DNAH5: variants seen among roughly 807,000 people sequenced by gnomAD.
DNAH5 encodes the protein axonemal beta dynein heavy chain 5.
A neutral mutation model predicts 518.2 loss-of-function variants in DNAH5; 372 were observed. The observed-to-expected ratio is 0.72, with a 90% confidence interval of 0.66 to 0.78. The LOEUF is 0.78. DNAH5 is among the 30% of genes least tolerant of loss of function. The pLI is 0.00. For missense variants in DNAH5, 5,523 were observed against 5,687.0 expected (o/e 0.97, Z 0.93); for synonymous variants, 2,039 against 2,025.9 (o/e 1.01, Z -0.17).
chr5:13,726,693 G>A (rs1482682337), intron 70 of DNAH5, among the ~76,000 whole-genome samples: 2 of 152,140 alleles, frequency 1.3e-5, no homozygotes, highest in East Asian at 3.9e-4. Flanking sequence ...GAATCTGGTT[G>A]TTTTCATGAT....
chr5:13,821,394 T>C (rs1043472982), intron 40 of DNAH5, among the ~76,000 whole-genome samples: 7 of 143,074 alleles, frequency 4.9e-5, no homozygotes, highest in African/African-American at 1.9e-4. Context: ...TATCAAGGCA[T>C]GTATGGAAGT....
rs1294175096 is a variant in DNAH5 at position 13,830,739 on chromosome 5, G to C, written c.5919C>G (p.Ser1973Arg). 6.2e-7 allele frequency: 1 copy of C among 1,614,150 alleles called. No homozygotes were observed. Among genetic ancestry groups the C allele is most frequent in the Non-Finnish European group, 8.5e-7 (1 of 1,180,038 alleles). ...YITLAQALGM[S>R]MGGAPAGPAG... ...CAGGTCCAGCAGGGGCTCCCCCCAT[G>C]CTCATTCCCAGAGCTTGAGCCAGCG... Residue 1973 changes from serine to arginine, a missense_variant, in exon 36 of 79, where the codon AGC becomes AGG. Coordinates refer to ENST00000265104, the MANE Select transcript of DNAH5 (RefSeq NM_001369.3).
At chr5:13,769,771 C>A (rs1263412969) in intron 56 of DNAH5, among the ~76,000 whole-genome samples, 156 bp from the exon 57 acceptor site, 1 of 152,192 alleles carries the variant, frequency 6.6e-6, no homozygotes, top group Non-Finnish European at 1.5e-5. Flanking sequence ...GGATACAGAT[C>A]CAGTCTTGAC....
rs201020293 is a variant in DNAH5, at chr5:13,901,346, G to T, written c.1958C>A (p.Thr653Lys). The change falls in exon 14 of 79, where the codon ACG becomes AAG. Residue 653 changes from threonine (T) to lysine (K), a missense_variant. Transcript: ENST00000265104. ...LFQQHPAVLS[T>K]AEAKPIIRSY... ...GCGAATTATAGGTTTGGCTTCTGCC[G>T]TGCTTAGCACAGCTGGGTGCTGCTG... is the stretch of plus-strand genomic sequence containing the variant. 22 of 1,614,120 alleles carry T rather than the reference G, an allele frequency of 1.4e-5. No homozygotes were observed. The South Asian group carries it at 2.1e-4, about 15-fold the overall frequency.
intron 47 of DNAH5, among the ~76,000 whole-genome samples, chr5:13,801,966 A>G (rs1447324647): frequency 6.6e-6 from 1 of 152,188 alleles, no homozygotes; most frequent in Non-Finnish European, 1.5e-5. Context: ...CCAAAAAAAA[A>G]TCTCTCAGGA....
rs1279090480 is a variant in DNAH5 at position 13,891,062 on chromosome 5, T to G, written c.2491A>C (p.Ile831Leu). 6.2e-7 allele frequency: 1 copy of G among 1,614,126 alleles called. No homozygotes were observed. The highest frequency in any genetic ancestry group is 8.5e-7 in the Non-Finnish European group (1 of 1,179,986). The change falls in exon 17 of 79, where the codon ATT (isoleucine) becomes CTT (leucine). Residue 831 changes from isoleucine to leucine, a missense_variant. Transcript: ENST00000265104. ...NDLIEFRIDAILEEMSSTPLC... is the reference protein window; with the variant it reads ...NDLIEFRIDALLEEMSSTPLC... ...GGCGTGCTGCTCATTTCTTCTAGAA[T>G]GGCATCAATGCGGAACTCAATCAAA...
intron 4 of DNAH5, 125 bp from the exon 5 acceptor site, chr5:13,922,453 G>A (rs1777414281): frequency 5.8e-6 from 6 of 1,029,316 alleles, no homozygotes; most frequent in Admixed American, 4.0e-5. Context: ...TGTGCCAGGT[G>A]TGGTGGCTCA....
intron 7 of DNAH5, among the ~76,000 whole-genome samples, chr5:13,918,168 C>T (rs1196959479): frequency 6.6e-6 from 1 of 152,192 alleles, no homozygotes; most frequent in Non-Finnish European, 1.5e-5. Context: ...AGGTTGGGGA[C>T]TCTCTTGCCC....
chr5:13,774,151 G>T (rs1580165379), intron 55 of DNAH5, among the ~76,000 whole-genome samples: 1 of 152,152 alleles, frequency 6.6e-6, no homozygotes, highest in East Asian at 1.9e-4. Context: ...ATGGATGGGG[G>T]ACAGGTGAAA....
intron 1 of DNAH5, among the ~76,000 whole-genome samples, chr5:13,958,381 A>G (rs754509614): frequency 1.3e-5 from 2 of 152,200 alleles, no homozygotes; most frequent in Non-Finnish European, 2.9e-5. Flanking sequence ...GAAGCTGAAC[A>G]TGTTAAAATT....
chr5:14,008,350 G>A (rs756038187), intron 1 of DNAH5, among the ~76,000 whole-genome samples: 19 of 151,402 alleles, frequency 1.3e-4, no homozygotes, highest in Admixed American at 7.9e-4. Flanking sequence ...GGCCAGGTGC[G>A]GTGGCTCATG....
chr5:14,000,243 C>T (rs764868892), intron 1 of DNAH5, among the ~76,000 whole-genome samples: 7 of 152,122 alleles, frequency 4.6e-5, no homozygotes, highest in South Asian at 2.1e-4. Flanking sequence ...TGTGAGGACA[C>T]GGGGAGGACA....
intron 47 of DNAH5, among the ~76,000 whole-genome samples, chr5:13,795,189 A>G (rs1757636891): frequency 6.6e-6 from 1 of 152,204 alleles, no homozygotes; most frequent in Admixed American, 6.5e-5. Flanking sequence ...AAGGCAAGAA[A>G]TAACTAAGAT....
intron 52 of DNAH5, among the ~76,000 whole-genome samples, chr5:13,784,966 A>G (rs1755756484): frequency 1.3e-5 from 2 of 151,958 alleles, no homozygotes; most frequent in Non-Finnish European, 2.9e-5. Flanking sequence ...GTGGAAGACA[A>G]TTTTTCCACG....
intron 78 of DNAH5, among the ~76,000 whole-genome samples, chr5:13,694,436 G>A (rs1167625341): frequency 2.6e-5 from 4 of 152,108 alleles, no homozygotes; most frequent in African/African-American, 9.7e-5. Flanking sequence ...CCCCTGCTTA[G>A]ACAAATAACT....
In DNAH5 at chr5:13,919,085, AT is replaced by A. The variant is rs938919116; in HGVS notation, c.975+90del. ...ATGTTTTTCATCAAGGTATAATAAC[AT>A]TTTTTTGTTCCTAATCACTCTATGC... On this transcript the variant is annotated intron_variant, in intron 7 of 78. Coordinates refer to ENST00000265104, the MANE Select transcript of DNAH5 (RefSeq NM_001369.3). 78 of 1,494,370 alleles carry A rather than the reference AT, an allele frequency of 5.2e-5. 1 individual carries two copies. Among genetic ancestry groups the A allele is most frequent in the African/African-American group, 2.6e-4 (19 of 72,602 alleles). 92.6% of individuals were successfully genotyped at this position (1,494,370 alleles called of 1,614,324 possible). A position where few individuals can be genotyped will look rare whatever the true frequency, so the allele number is the denominator to read the frequency against.
At chr5:13,857,344 T>C (rs563930009) in intron 30 of DNAH5, among the ~76,000 whole-genome samples, 1 of 152,302 alleles carries the variant, frequency 6.6e-6, no homozygotes, top group Admixed American at 6.5e-5. Context: ...TACAAACCAC[T>C]GCTCAAGGAA....
chr5:13,885,695 A>G (rs751222165), intron 18 of DNAH5, among the ~76,000 whole-genome samples: 1 of 152,220 alleles, frequency 6.6e-6, no homozygotes, highest in Non-Finnish European at 1.5e-5. Flanking sequence ...AAGGTAAAAT[A>G]AAACACCCAC....
chr5:13,690,476 A>G lies in DNAH5; in HGVS notation c.*1508T>C, dbSNP rs1740595045. 6.6e-6 allele frequency: 1 copy of G among 152,218 alleles called. No individual in the cohort carries two copies. Among genetic ancestry groups the G allele is most frequent in the South Asian group, 2.1e-4 (1 of 4,826 alleles). 9.4% of individuals were successfully genotyped at this position (152,218 alleles called of 1,614,324 possible). On this transcript the variant is annotated 3_prime_UTR_variant, in exon 79 of 79. Transcript: ENST00000265104. ...AAAGAACTCACAAGAAAACAGTATC[A>G]TCTAAGATGGTGGGAGTCACAGGAG...
Sources: gnomAD v4.1 joint callset for allele counts (sites outside exome capture counted in the v4.1 genomes callset) on GRCh38, gnomAD v4.1.1 for gene constraint, MANE v1.5 for transcripts, NCBI Gene and HGNC (gene_info 2026-07-23, HGNC 2026-07-21) for gene names.